The following PPP2R5C variants were observed in gnomAD, a reference collection of about 807,000 sequenced individuals.
PPP2R5C encodes serine/threonine-protein phosphatase 2A 56 kDa regulatory subunit gamma isoform.
Under a neutral mutation model 68.9 loss-of-function variants are expected in PPP2R5C, and 7 were observed. That is an observed-to-expected ratio of 0.10 (90% CI 0.06 to 0.19). The LOEUF (loss-of-function observed/expected upper bound fraction) is 0.19. Among genes scored for constraint, PPP2R5C ranks in the 10% least tolerant of loss-of-function variants. The pLI is 1.00. For missense variants in PPP2R5C, 348 were observed against 641.3 expected (o/e 0.54, Z 4.94); for synonymous variants, 210 against 222.2 (o/e 0.95, Z 0.49).
intron 1 of PPP2R5C, among the ~76,000 whole-genome samples, chr14:101,812,445 G>T (rs2039421608): frequency 2.6e-5 from 4 of 152,202 alleles, no homozygotes; most frequent in Admixed American, 2.0e-4. Flanking sequence ...TTAGGAAGGA[G>T]GGGTCTTTCC....
At chr14:101,857,144 G>A (rs987094835) in intron 2 of PPP2R5C, among the ~76,000 whole-genome samples, 1 of 152,142 alleles carries the variant, frequency 6.6e-6, no homozygotes, top group Admixed American at 6.5e-5. Flanking sequence ...ACTACCCTAT[G>A]GAGTAGAAGT....
intron 1 of PPP2R5C, among the ~76,000 whole-genome samples, chr14:101,850,585 C>T (rs1426583642): frequency 6.6e-6 from 1 of 152,094 alleles, no homozygotes; most frequent in East Asian, 1.9e-4. Flanking sequence ...TATAAAGGGC[C>T]ATGAGCAGTG....
rs2180512 is a variant in PPP2R5C, at chr14:101,915,610, C to T, written c.1327-2221C>T. On this transcript the variant is annotated intron_variant, in intron 12 of 13. Transcript: ENST00000334743. This position sits in a 1 kb window ranked among gnomAD's most constrained non-coding sequence, Gnocchi z 4.2. The stretch of plus-strand genomic sequence containing the variant: ...AGAAGCGTTGGTGTGAAACAGTCCC[C>T]GCAAGTCTCAGGAGTCTTGCAGCCA... Among the ~76,000 whole-genome samples, 4,652 of 152,256 alleles carry T rather than the reference C, an allele frequency of 0.031. 200 individuals carry two copies. Among genetic ancestry groups the T allele is most frequent in the African/African-American group, 0.091 (3,784 of 41,520 alleles).
chr14:101,907,339 T>C (rs1053161812), intron 10 of PPP2R5C, among the ~76,000 whole-genome samples: 1 of 151,754 alleles, frequency 6.6e-6, no homozygotes, highest in Non-Finnish European at 1.5e-5. Flanking sequence ...CCTGGCTAAT[T>C]TTTGTATTTT....
intron 13 of PPP2R5C, among the ~76,000 whole-genome samples, chr14:101,919,983 AAAAAAAAAAC>A (rs1156873846): frequency 9.9e-5 from 15 of 151,670 alleles, no homozygotes; most frequent in African/African-American, 3.6e-4. Flanking sequence ...AAAAAAAAAA[AAAAAAAAAAC>A]CAATTCTTAC....
At position 101,825,722 on chromosome 14, in the gene PPP2R5C, G is replaced by T. The variant is rs1284504829; in HGVS notation, c.94+15686G>T. Among the ~76,000 whole-genome samples, 7 of 152,164 alleles carry T rather than the reference G, an allele frequency of 4.6e-5. No individual in the cohort carries two copies. Among genetic ancestry groups the T allele is most frequent in the African/African-American group, 1.7e-4 (7 of 41,428 alleles). ...GTAGTTAGCCTGTTCAGTTTTTGTA[G>T]GTGAATGGTAAAGCTGTCAAAACCA... On this transcript the variant is annotated intron_variant, in intron 1 of 13. Coordinates refer to ENST00000334743, the Ensembl canonical transcript of PPP2R5C. This position sits in a 1 kb window ranked among gnomAD's most constrained non-coding sequence, Gnocchi z 4.0.
rs969910510 is a variant in PPP2R5C, at chr14:101,879,306, G to C, written c.295-2855G>C. The C allele has an allele frequency of 4.6e-5, 7 of 152,512 alleles. No individual in the cohort carries two copies. The highest frequency in any genetic ancestry group is 7.3e-5 in the Non-Finnish European group (5 of 68,280). 9.4% of individuals were successfully genotyped at this position (152,512 alleles called of 1,614,324 possible). On this transcript the variant is annotated intron_variant, in intron 2 of 13. Transcript: ENST00000334743. The surrounding 1 kb of genome is among the most constrained non-coding windows in gnomAD (Gnocchi z 4.2). ...CATGTCTGTGACTCTTGGGCAGCAG[G>C]CCTCTTCCAGAGGGACGGCTGTTTC...
At chr14:101,897,653 C>T (rs1366185834) in intron 8 of PPP2R5C, among the ~76,000 whole-genome samples, 1 of 152,024 alleles carries the variant, frequency 6.6e-6, no homozygotes, top group Admixed American at 6.6e-5. Context: ...TGCCCACCCC[C>T]ATTAAGGGTG....
intron 1 of PPP2R5C, chr14:101,823,589 C>A: frequency 4.4e-6 from 1 of 225,390 alleles, no homozygotes; most frequent in Non-Finnish European, 7.5e-6. Context: ...CATTAACCGT[C>A]GCCCTCTTTC....
At chr14:101,894,817 C>T (rs983735264) in intron 8 of PPP2R5C, among the ~76,000 whole-genome samples, 3 of 152,136 alleles carry the variant, frequency 2.0e-5, no homozygotes, top group East Asian at 1.9e-4. Context: ...ACTGTTTGAA[C>T]GTAAAGCACT....
Position 101,885,900 on chromosome 14 carries a change from C to T in PPP2R5C, c.629+2338C>T, listed in dbSNP as rs181242929. On this transcript the variant is annotated intron_variant, in intron 5 of 13. Coordinates refer to ENST00000334743, the Ensembl canonical transcript of PPP2R5C. ...CAGTCTTCTTGACCTAAAATTAAAG[C>T]TCTACCTAACATATTTCTGTTTTCT... 1.2e-3 allele frequency among the ~76,000 whole-genome samples: 176 copies of T among 152,364 alleles called. 1 individual carries two copies. Among genetic ancestry groups the T allele is most frequent in the African/African-American group, 4.1e-3 (170 of 41,590 alleles).
chr14:101,811,245 A>G (rs1004556919), intron 1 of PPP2R5C, among the ~76,000 whole-genome samples: 1 of 152,272 alleles, frequency 6.6e-6, no homozygotes, highest in Non-Finnish European at 1.5e-5. Flanking sequence ...CCCAGTAAAA[A>G]GCAAAGGTTG....
At chr14:101,864,795 G>A (rs567068942) in intron 2 of PPP2R5C, among the ~76,000 whole-genome samples, 1 of 152,292 alleles carries the variant, frequency 6.6e-6, no homozygotes, top group South Asian at 2.1e-4. Context: ...TCTGGATCCT[G>A]GGGAGCTTGA....
chr14:101,848,046 T>C (rs1678005), intron 1 of PPP2R5C, among the ~76,000 whole-genome samples: 41,066 of 152,084 alleles, frequency 0.27, 5,911 homozygotes, highest in African/African-American at 0.36. Flanking sequence ...CTGATAAGCA[T>C]GTCATACCAC....
At chr14:101,865,859 G>A (rs1053587330) in intron 2 of PPP2R5C, among the ~76,000 whole-genome samples, 1 of 152,132 alleles carries the variant, frequency 6.6e-6, no homozygotes. Context: ...ATATTCGTAC[G>A]GGACTTATTT....
chr14:101,805,694 T>C (rs1161662605), upstream of PPP2R5C, among the ~76,000 whole-genome samples: 9 of 152,186 alleles, frequency 5.9e-5, no homozygotes, highest in Non-Finnish European at 1.3e-4. Context: ...ACAACTTCAG[T>C]GTATGCCAAT....
chr14:101,797,657 C>T lies in PPP2R5C; in HGVS notation c.259+11474C>T, dbSNP rs567745396. On this transcript the variant is annotated intron_variant, in intron 3 of 14. Coordinates refer to the PPP2R5C transcript ENST00000328724. The surrounding 1 kb of genome is among the most constrained non-coding windows in gnomAD (Gnocchi z 4.2). The stretch of plus-strand genomic sequence containing the variant: ...ACTGCGTAGGCTCCTAAAAGGGTGT[C>T]GGCAAGTTGGCAAGTTAAAAAAAAA... The T allele has an allele frequency of 8.4e-5, 14 of 167,444 alleles. No homozygotes were observed. The highest frequency in any genetic ancestry group is 2.6e-4 in the African/African-American group (11 of 41,906). The allele number at this position is 167,444 out of a possible 1,614,324, so 10.4% of individuals were successfully genotyped here.
intron 10 of PPP2R5C, among the ~76,000 whole-genome samples, chr14:101,908,279 A>G (rs1479684299): frequency 2.6e-5 from 4 of 152,252 alleles, no homozygotes; most frequent in Admixed American, 2.0e-4. Flanking sequence ...TGGAGGCAGC[A>G]GCCAAGACCC....
rs576908767 is a variant in PPP2R5C, at chr14:101,905,677, A to G, written c.1024-725A>G. On this transcript the variant is annotated intron_variant, in intron 9 of 13. Transcript: ENST00000334743. ...CATCTCAAAAAAAAAAAAGAAAAGAAAAATGGGGGAACCACCCTCTAGTGG... is the reference window on the plus strand; with the variant it reads ...CATCTCAAAAAAAAAAAAGAAAAGAGAAATGGGGGAACCACCCTCTAGTGG... Among the ~76,000 whole-genome samples, 12 of 151,922 alleles carry G rather than the reference A, an allele frequency of 7.9e-5. No homozygotes were observed. In the South Asian group the frequency reaches 2.5e-3, roughly 31 times the overall value.
Sources: allele counts gnomAD v4.1 joint callset (sites outside exome capture counted in the v4.1 genomes callset), GRCh38; gene constraint gnomAD v4.1.1; non-coding constraint Gnocchi (gnomAD v3.1); transcripts MANE v1.5; gene names NCBI Gene and HGNC (gene_info 2026-07-23, HGNC 2026-07-21).